SLC37A3: variants seen among roughly 807,000 people sequenced by gnomAD.
The protein encoded by SLC37A3 is solute carrier family 37 member 3.
A neutral mutation model predicts 67.1 loss-of-function variants in SLC37A3; 51 were observed. That is an observed-to-expected ratio of 0.76 (90% CI 0.61 to 0.96). The LOEUF (loss-of-function observed/expected upper bound fraction) is 0.96. Among genes scored for constraint, SLC37A3 ranks in the 40% least tolerant of loss-of-function variants. SLC37A3 has a pLI of 0.00. For missense variants in SLC37A3, 508 were observed against 603.0 expected (o/e 0.84, Z 1.65); for synonymous variants, 214 against 231.4 (o/e 0.92, Z 0.68).
chr7:140,366,796 C>T (rs1797617755), intron 4 of SLC37A3, among the ~76,000 whole-genome samples: 1 of 152,044 alleles, frequency 6.6e-6, no homozygotes, highest in Admixed American at 6.6e-5. Context: ...AGAACTGTTC[C>T]AACTGTTTCT....
In SLC37A3 at chr7:140,335,187, C is replaced by G; in HGVS notation, c.*225G>C. On this transcript the variant is annotated 3_prime_UTR_variant, in exon 15 of 15. Transcript: ENST00000326232. ...TGGCAGAGTCAGAAGTCACTCGGCACATTCATGAAACAACAGCAAAAATCA... is the reference window on the plus strand; with the variant it reads ...TGGCAGAGTCAGAAGTCACTCGGCAGATTCATGAAACAACAGCAAAAATCA... 1 of 1,578,472 alleles carries G rather than the reference C, an allele frequency of 6.3e-7. No individual in the cohort carries two copies. Among genetic ancestry groups the G allele is most frequent in the South Asian group, 1.2e-5 (1 of 86,562 alleles).
chr7:140,342,179 C>T (rs902356628), intron 13 of SLC37A3, among the ~76,000 whole-genome samples: 3 of 152,168 alleles, frequency 2.0e-5, no homozygotes, highest in Non-Finnish European at 4.4e-5. Context: ...TATTAAAATA[C>T]GGCTAGGTAG....
At chr7:140,344,422 CCTT>C (rs1048541669) in intron 12 of SLC37A3, among the ~76,000 whole-genome samples, 1 of 151,826 alleles carries the variant, frequency 6.6e-6, no homozygotes, top group African/African-American at 2.4e-5. Context: ...GAGCGAGACT[CCTT>C]CTCAAAAATA....
At chr7:140,343,586 A>G in intron 12 of SLC37A3, 23 bp from the exon 13 acceptor site, 1 of 1,612,962 alleles carries the variant, frequency 6.2e-7, no homozygotes, top group Non-Finnish European at 8.5e-7. Context: ...ACAGGTTCTT[A>G]TTAAAACACA....
chr7:140,360,590 C>T (rs948877973), intron 5 of SLC37A3, among the ~76,000 whole-genome samples: 2 of 151,502 alleles, frequency 1.3e-5, no homozygotes, highest in Admixed American at 6.6e-5. Context: ...AAAAATTAGC[C>T]GGGAATGGTG....
Position 140,369,664 on chromosome 7 carries a change from A to G in SLC37A3, c.217T>C (p.Leu73=), listed in dbSNP as rs1394518819. 3 of 1,613,898 alleles carry G rather than the reference A, an allele frequency of 1.9e-6. No homozygotes were observed. The highest frequency in any genetic ancestry group is 2.5e-6 in the Non-Finnish European group (3 of 1,180,008). Residue 73 remains leucine (L), a synonymous_variant, in exon 4 of 15, where the codon TTG becomes CTG. Transcript: ENST00000326232. ...GTCGCTTTCTCTGCACTGGGGAACA[A>G]ATGGTTGCTGCTCCAGATCTACAGT... ...LPVEIWSSNH[L]FPSAEKATLF...
At chr7:140,350,964 C>A (rs1796769106) in intron 9 of SLC37A3, among the ~76,000 whole-genome samples, 1 of 152,084 alleles carries the variant, frequency 6.6e-6, no homozygotes, top group Non-Finnish European at 1.5e-5. Flanking sequence ...CAAGTCTGGC[C>A]ACGTCTAACT....
In SLC37A3 at chr7:140,348,694, T is replaced by C; in HGVS notation, c.956A>G (p.Asn319Ser). 1 of 1,614,140 alleles carries C rather than the reference T, an allele frequency of 6.2e-7. No individual in the cohort carries two copies. ...FFFWLPFYLS[N>S]NFGWKEAEAD... ...TTCCGCCTCCTTCCAGCCGAAGTTG[T>C]TACTCAGATAAAAGGGGAGCCAGAA... The change falls in exon 10 of 15, where the codon AAC (asparagine) becomes AGC (serine). Residue 319 changes from asparagine (N) to serine (S), a missense_variant. Transcript: ENST00000326232.
chr7:140,382,581 A>G lies in SLC37A3; in HGVS notation c.-55T>C, dbSNP rs1798301050. The G allele has an allele frequency of 9.6e-6, 14 of 1,459,378 alleles. No homozygotes were observed. The South Asian group carries it at 1.6e-4, about 17-fold the overall frequency. The allele number at this position is 1,459,378 out of a possible 1,614,324, so 90.4% of individuals were successfully genotyped here. A position where few individuals can be genotyped will look rare whatever the true frequency, so the allele number is the denominator to read the frequency against. On this transcript the variant is annotated 5_prime_UTR_variant, in exon 2 of 15. An upstream open reading frame in the 5' UTR loses its in-frame stop. Coordinates refer to ENST00000326232, the MANE Select transcript of SLC37A3 (RefSeq NM_207113.3). ...ACCTTAAGGTTTGGATGAGTGATTT[A>G]CATCATTTCTTCCTTCTGGAAAGAC...
At chr7:140,383,614 T>C in intron 1 of SLC37A3, among the ~76,000 whole-genome samples, 1 of 152,110 alleles carries the variant, frequency 6.6e-6, no homozygotes, top group East Asian at 1.9e-4. Flanking sequence ...AAAAAATTTG[T>C]GTCAAAGAAA....
At chr7:140,346,032 G>T in intron 10 of SLC37A3, 62 bp from the exon 11 acceptor site, 1 of 1,232,302 alleles carries the variant, frequency 8.1e-7, no homozygotes, top group Non-Finnish European at 1.2e-6. Flanking sequence ...CCTGAGGCGT[G>T]CTCCCCATTT....
At position 140,348,642 on chromosome 7, in the gene SLC37A3, G is replaced by T. The variant is rs375181055; in HGVS notation, c.1008C>A (p.Asp336Glu). 1.9e-6 allele frequency: 3 copies of T among 1,613,862 alleles called. No homozygotes were observed. Among genetic ancestry groups the T allele is most frequent in the Non-Finnish European group, 2.5e-6 (3 of 1,179,974 alleles). The stretch of plus-strand genomic sequence containing the variant: ...CCGGCATACCTATGATCCCTCCAAC[G>T]TCGTACCAAATGGACAGCTTGTCGG... The part of the protein sequence containing the change: ...AEADKLSIWY[D>E]VGGIIGGTLQ... Residue 336 changes from aspartate to glutamate, a missense_variant, in exon 10 of 15, where the codon GAC becomes GAA. Transcript: ENST00000326232.
intron 1 of SLC37A3, among the ~76,000 whole-genome samples, chr7:140,390,765 A>T (rs1563056012): frequency 6.6e-6 from 1 of 152,094 alleles, no homozygotes; most frequent in Non-Finnish European, 1.5e-5. Context: ...GCTGGATTTC[A>T]AATCTTCTAC....
intron 5 of SLC37A3, among the ~76,000 whole-genome samples, chr7:140,361,500 C>CT (rs1563027197): frequency 0.15 from 7,196 of 48,240 alleles, 1,616 homozygotes; most frequent in African/African-American, 0.31. Flanking sequence ...TCTCCCTCCC[C>CT]CTCCCCCTCC....
chr7:140,352,464 T>A (rs933584298), intron 7 of SLC37A3, among the ~76,000 whole-genome samples: 1 of 152,182 alleles, frequency 6.6e-6, no homozygotes, highest in African/African-American at 2.4e-5. Context: ...ACATAGCCTC[T>A]CATAAAAGAC....
chr7:140,362,434 C>G (rs1203043772), intron 5 of SLC37A3, among the ~76,000 whole-genome samples: 2 of 145,370 alleles, frequency 1.4e-5, no homozygotes, highest in Admixed American at 6.7e-5. Context: ...GGGGGGTCAG[C>G]CCCCCGCCCG....
chr7:140,369,559 T>C, intron 4 of SLC37A3, 31 bp downstream of exon 4: 1 of 1,580,262 alleles, frequency 6.3e-7, no homozygotes, highest in South Asian at 1.1e-5. Flanking sequence ...CATTTTTCTT[T>C]AGCTTTAAGC....
At chr7:140,392,132 G>A (rs1029590231) in intron 1 of SLC37A3, among the ~76,000 whole-genome samples, 1 of 151,910 alleles carries the variant, frequency 6.6e-6, no homozygotes, top group Non-Finnish European at 1.5e-5. Context: ...TCCCAACTTG[G>A]AACTCTCAGT....
intron 9 of SLC37A3, among the ~76,000 whole-genome samples, chr7:140,349,368 G>C (rs150975114): frequency 6.6e-6 from 1 of 152,342 alleles, no homozygotes; most frequent in East Asian, 1.9e-4. Flanking sequence ...TGGCAAAGAA[G>C]AGAGTCTCTC....
Sources: allele counts gnomAD v4.1 joint callset (sites outside exome capture counted in the v4.1 genomes callset), GRCh38; gene constraint gnomAD v4.1.1; transcripts MANE v1.5; gene names NCBI Gene and HGNC (gene_info 2026-07-23, HGNC 2026-07-21).